CFAP74: variants seen among roughly 807,000 people sequenced by gnomAD.
CFAP74 encodes the protein cilia- and flagella-associated protein 74.
Under a neutral mutation model 188.9 loss-of-function variants are expected in CFAP74, and 124 were observed. That is an observed-to-expected ratio of 0.66 (90% CI 0.57 to 0.76). The LOEUF (loss-of-function observed/expected upper bound fraction) is 0.76, where lower values mean the gene tolerates loss of function less well. Among genes scored for constraint, CFAP74 ranks in the 30% least tolerant of loss-of-function variants. CFAP74 has a pLI of 0.00. For missense variants in CFAP74, 2,198 were observed against 2,165.2 expected (o/e 1.02, Z -0.30); for synonymous variants, 956 against 916.7 (o/e 1.04, Z -0.77).
At chr1:1,953,788 G>C (rs964186335) in intron 18 of CFAP74, 1 of 153,428 alleles carries the variant, frequency 6.5e-6, no homozygotes, top group Non-Finnish European at 1.5e-5. Flanking sequence ...TATGACCCTG[G>C]AGGAGAAAAA....
chr1:1,922,924 G>T, intron 37 of CFAP74, 61 bp downstream of exon 37: 2 of 1,522,198 alleles, frequency 1.3e-6, no homozygotes, highest in Non-Finnish European at 8.8e-7. Flanking sequence ...GGTCAGGGCT[G>T]CCCAGGGCAG....
At chr1:1,987,129 GC>G in intron 4 of CFAP74, 94 bp from the exon 5 acceptor site, 1 of 1,023,780 alleles carries the variant, frequency 9.8e-7, no homozygotes, top group Non-Finnish European at 1.5e-6. Context: ...GTGAGGCAGA[GC>G]CAGACCCCCA....
chr1:1,969,396 C>A (rs1655756589), intron 10 of CFAP74, among the ~76,000 whole-genome samples: 1 of 146,078 alleles, frequency 6.8e-6, no homozygotes. Context: ...CCCAGCCTTG[C>A]CCAGCTTAGC....
chr1:1,939,057 G>A (rs533902398), intron 24 of CFAP74, 69 bp from the exon 25 acceptor site: 60 of 1,455,546 alleles, frequency 4.1e-5, no homozygotes, highest in African/African-American at 2.4e-4. Context: ...CGGCAGGGCC[G>A]TGAGTGTGAG....
At chr1:1,993,882 T>G (rs1420451637) in intron 1 of CFAP74, among the ~76,000 whole-genome samples, 11 of 150,548 alleles carry the variant, frequency 7.3e-5, no homozygotes, top group Non-Finnish European at 1.5e-4. Context: ...CTCGGGAGGC[T>G]GAGGCAGGAG....
At chr1:1,991,874 C>T (rs1570990954) in intron 1 of CFAP74, among the ~76,000 whole-genome samples, 1 of 151,474 alleles carries the variant, frequency 6.6e-6, no homozygotes, top group Non-Finnish European at 1.5e-5. Flanking sequence ...CCCATCTCTA[C>T]TAAAAAACAG....
intron 21 of CFAP74, among the ~76,000 whole-genome samples, chr1:1,943,246 T>C (rs1366463766): frequency 6.6e-6 from 1 of 151,886 alleles, no homozygotes; most frequent in Admixed American, 6.5e-5. Context: ...TTCTGTCAAG[T>C]TTCCAAGGCC....
Position 1,987,095 on chromosome 1 carries a change from C to T in CFAP74, c.297-60G>A, listed in dbSNP as rs1045058882. ...CCTGAAACTCCAGCCTCCAAAGTGACAGTGGGCGTGGCAATGGGGCCAGGT... is the reference window on the plus strand; with the variant it reads ...CCTGAAACTCCAGCCTCCAAAGTGATAGTGGGCGTGGCAATGGGGCCAGGT... On this transcript the variant is annotated intron_variant, in intron 4 of 38. Coordinates refer to ENST00000682832, the MANE Select transcript of CFAP74 (RefSeq NM_001304360.2). 12 of 1,467,522 alleles carry T rather than the reference C, an allele frequency of 8.2e-6. No homozygotes were observed. The African/African-American group carries it at 8.3e-5, about 10-fold the overall frequency. 90.9% of individuals were successfully genotyped at this position (1,467,522 alleles called of 1,614,324 possible).
intron 18 of CFAP74, among the ~76,000 whole-genome samples, chr1:1,953,074 G>C (rs1039460165): frequency 1.3e-5 from 2 of 152,100 alleles, no homozygotes; most frequent in African/African-American, 4.8e-5. Context: ...TACAGTTTAT[G>C]TGGAAATGTA....
At chr1:1,993,844 T>A (rs542683960) in intron 1 of CFAP74, among the ~76,000 whole-genome samples, 5 of 150,128 alleles carry the variant, frequency 3.3e-5, no homozygotes, top group South Asian at 2.1e-4. Flanking sequence ...TAGCCGGGCG[T>A]GGTGGCGGGC....
Position 1,975,264 on chromosome 1 carries a change from A to G in CFAP74, c.501-1066T>C, listed in dbSNP as rs1174034108. ...CCTCCGTGAATAAAGTCTGCTTTAC[A>G]TCTTTTTGAAAAAATCATGAACATA... On this transcript the variant is annotated intron_variant, in intron 6 of 38. Coordinates refer to ENST00000682832, the MANE Select transcript of CFAP74 (RefSeq NM_001304360.2). This position sits in a 1 kb window ranked among gnomAD's most constrained non-coding sequence, Gnocchi z 4.5. Among the ~76,000 whole-genome samples, 1 of 152,168 alleles carries G rather than the reference A, an allele frequency of 6.6e-6. No homozygotes were observed. The highest frequency in any genetic ancestry group is 1.5e-5 in the Non-Finnish European group (1 of 68,030).
chr1:1,928,301 C>T (rs943349935), intron 27 of CFAP74, among the ~76,000 whole-genome samples: 20 of 149,558 alleles, frequency 1.3e-4, no homozygotes, highest in Admixed American at 6.6e-5. Context: ...GAAGCCAGGC[C>T]GGGAAGGGCA....
Position 1,923,301 on chromosome 1 carries a change from C to T in CFAP74, c.4522+66G>A, listed in dbSNP as rs913766663. On this transcript the variant is annotated intron_variant, in intron 36 of 38. Transcript: ENST00000682832. The surrounding 1 kb of genome is among the most constrained non-coding windows in gnomAD (Gnocchi z 6.3). ...TGCCCTGCTCCGCTGGGTCTCGGGG[C>T]CCCCATCCACGGGACAGGGGCACCG... The T allele has an allele frequency of 7.3e-6, 11 of 1,514,558 alleles. No homozygotes were observed. Among genetic ancestry groups the T allele is most frequent in the African/African-American group, 4.2e-5 (3 of 71,848 alleles). 93.8% of individuals were successfully genotyped at this position (1,514,558 alleles called of 1,614,324 possible).
chr1:1,946,949 C>T (rs1163078296), intron 19 of CFAP74, 41 bp downstream of exon 19: 4 of 1,478,976 alleles, frequency 2.7e-6, no homozygotes, highest in Non-Finnish European at 2.7e-6. Flanking sequence ...TGGGCGGTGT[C>T]TTGGATCGTG....
Position 1,939,716 on chromosome 1 carries a change from C to T in CFAP74, c.2755G>A (p.Glu919Lys), listed in dbSNP as rs1166827323. 42 of 1,535,970 alleles carry T rather than the reference C, an allele frequency of 2.7e-5. No individual in the cohort carries two copies. Among genetic ancestry groups the T allele is most frequent in the Non-Finnish European group, 1.7e-6 (2 of 1,146,880 alleles). Residue 919 changes from glutamate to lysine, a missense_variant, in exon 24 of 39, where the codon GAG (glutamate) becomes AAG (lysine). Physicochemically the swap from Glu to Lys is moderately conservative, Grantham distance 56 (BLOSUM62 1). Coordinates refer to ENST00000682832, the MANE Select transcript of CFAP74 (RefSeq NM_001304360.2). ...VHAIVTTSDL[E>K]LSPSEVDFGY... ...AAATCCACCTCCGAGGGACTGAGCT[C>T]CAGGTCCGAGGTGGTGACAATGGCA...
intron 25 of CFAP74, among the ~76,000 whole-genome samples, chr1:1,932,396 C>CAA (rs374579472): frequency 4.1e-5 from 4 of 98,268 alleles, no homozygotes; most frequent in African/African-American, 4.2e-5. Flanking sequence ...GACTCTGTCT[C>CAA]AAAAAAAAAA....
chr1:1,964,818 G>T, intron 13 of CFAP74, 70 bp downstream of exon 13: 10 of 1,560,414 alleles, frequency 6.4e-6, no homozygotes, highest in Non-Finnish European at 8.8e-6. Flanking sequence ...TCAGGGGTTG[G>T]GCTGCGGCAG....
At chr1:1,982,765 C>T (rs1053608277) in intron 6 of CFAP74, among the ~76,000 whole-genome samples, 23 of 152,216 alleles carry the variant, frequency 1.5e-4, no homozygotes, top group African/African-American at 4.8e-4. Context: ...ACTACCTGCC[C>T]GAAATGAGGG....
In CFAP74 at chr1:1,963,604, C is replaced by G; in HGVS notation, c.1694+145G>C. The G allele has an allele frequency of 3.6e-6, 2 of 555,252 alleles. 1 individual carries two copies. Among genetic ancestry groups the G allele is most frequent in the South Asian group, 5.1e-5 (2 of 38,964 alleles). The allele number at this position is 555,252 out of a possible 1,614,324, so 34.4% of individuals were successfully genotyped here. ...ACTTTGACACAAGAAGACAGAGGAG[C>G]CCCCTCTACAAAATCTTCGTGAAAA... On this transcript the variant is annotated intron_variant, in intron 14 of 38. Coordinates refer to ENST00000682832, the MANE Select transcript of CFAP74 (RefSeq NM_001304360.2).
Sources: gnomAD v4.1 joint callset for allele counts (sites outside exome capture counted in the v4.1 genomes callset) on GRCh38, gnomAD v4.1.1 for gene constraint, Gnocchi (gnomAD v3.1) non-coding constraint, MANE v1.5 for transcripts, NCBI Gene and HGNC (gene_info 2026-07-23, HGNC 2026-07-21) for gene names.